ACER3: variants seen among roughly 807,000 people sequenced by gnomAD.
ACER3 encodes alkaline ceramidase 3, also known as alkCDase 3.
A neutral mutation model predicts 48.9 loss-of-function variants in ACER3; 16 were observed. The observed-to-expected ratio is 0.33, with a 90% CI of 0.22 to 0.50. The LOEUF (loss-of-function observed/expected upper bound fraction) is 0.50, where lower values mean the gene tolerates loss of function less well. Among genes scored for constraint, ACER3 ranks in the 20% least tolerant of loss-of-function variants. The pLI, the probability that ACER3 is intolerant of heterozygous loss-of-function variation, is 0.98. For missense variants in ACER3, 227 were observed against 326.0 expected (o/e 0.70, Z 2.34); for synonymous variants, 109 against 107.8 (o/e 1.01, Z -0.07).
At chr11:76,974,427 G>C (rs559793018) in intron 3 of ACER3, among the ~76,000 whole-genome samples, 14 of 152,242 alleles carry the variant, frequency 9.2e-5, no homozygotes, top group Middle Eastern at 6.8e-3. Flanking sequence ...GATATAGTTG[G>C]TTATAGCTTA....
chr11:76,879,433 GCTTGTGCTATTGCA>G (rs1021729576), intron 1 of ACER3, among the ~76,000 whole-genome samples: 3 of 151,908 alleles, frequency 2.0e-5, no homozygotes, highest in Admixed American at 6.6e-5. Context: ...TATTTCTTTT[GCTTGTGCTATTGCA>G]CTGGCTAGGA....
At chr11:76,982,018 T>C (rs1948595092) in intron 4 of ACER3, among the ~76,000 whole-genome samples, 1 of 152,172 alleles carries the variant, frequency 6.6e-6, no homozygotes, top group South Asian at 2.1e-4. Flanking sequence ...GAAACTTCCA[T>C]TTGCTCCATA....
At chr11:76,926,352 T>G (rs1946829708) in intron 1 of ACER3, among the ~76,000 whole-genome samples, 1 of 152,200 alleles carries the variant, frequency 6.6e-6, no homozygotes, top group Admixed American at 6.5e-5. Context: ...TTTAGTTTCA[T>G]TTGTCTGAAA....
At chr11:76,869,649 C>T (rs914979492) in intron 1 of ACER3, among the ~76,000 whole-genome samples, 3 of 141,696 alleles carry the variant, frequency 2.1e-5, no homozygotes, top group African/African-American at 8.0e-5. Flanking sequence ...CCGTTTTCTC[C>T]TCCTTCTAGT....
At chr11:76,900,769 A>G (rs1364346888) in intron 1 of ACER3, among the ~76,000 whole-genome samples, 2 of 152,248 alleles carry the variant, frequency 1.3e-5, no homozygotes, top group African/African-American at 4.8e-5. Flanking sequence ...GCATTGGTTC[A>G]GAAGCACTCA....
chr11:77,002,925 C>T (rs112040383), intron 7 of ACER3, among the ~76,000 whole-genome samples: 67 of 152,124 alleles, frequency 4.4e-4, no homozygotes, highest in African/African-American at 1.6e-3. Context: ...AAATGGTGAT[C>T]AGGGCCTGGT....
chr11:76,971,244 A>G (rs1948290616), intron 3 of ACER3, among the ~76,000 whole-genome samples: 1 of 152,180 alleles, frequency 6.6e-6, no homozygotes, highest in Admixed American at 6.5e-5. Flanking sequence ...ATTTGAGTCT[A>G]TAAAACACAC....
At chr11:76,920,807 T>A (rs1034215789) in intron 1 of ACER3, among the ~76,000 whole-genome samples, 4 of 152,072 alleles carry the variant, frequency 2.6e-5, no homozygotes, top group South Asian at 2.1e-4. Flanking sequence ...TGGCTAATTT[T>A]AAAAAATTTT....
At chr11:76,966,066 C>G (rs1169579249) in intron 3 of ACER3, among the ~76,000 whole-genome samples, 6 of 151,364 alleles carry the variant, frequency 4.0e-5, no homozygotes, top group Non-Finnish European at 8.8e-5. Flanking sequence ...GGAGATCCAT[C>G]TCATGTGCAG....
At chr11:76,960,598 G>A (rs1947963103) in intron 3 of ACER3, among the ~76,000 whole-genome samples, 2 of 152,132 alleles carry the variant, frequency 1.3e-5, no homozygotes, top group Non-Finnish European at 2.9e-5. Context: ...CCACATTGGA[G>A]TGTCAAAACC....
chr11:76,868,389 CTCTGTGTGTGTG>C (rs1191774441), intron 1 of ACER3: 24 of 187,104 alleles, frequency 1.3e-4, no homozygotes, highest in East Asian at 2.4e-4. Context: ...CTCTCTCTCT[CTCTGTGTGTGTG>C]TGTGTGTGTG....
chr11:76,975,224 C>T (rs1231009190), intron 3 of ACER3, among the ~76,000 whole-genome samples: 5 of 152,102 alleles, frequency 3.3e-5, no homozygotes, highest in African/African-American at 7.2e-5. Context: ...AATTAGAATG[C>T]GAACTCCTTG....
Position 76,904,841 on chromosome 11 carries a change from A to ATGTGTGTGTG in ACER3, c.104-21698_104-21689dup, listed in dbSNP as rs3047842. 4.7e-5 allele frequency among the ~76,000 whole-genome samples: 7 copies of ATGTGTGTGTG among 147,512 alleles called. No individual in the cohort carries two copies. The East Asian group carries it at 1.2e-3, about 25-fold the overall frequency. The stretch of plus-strand genomic sequence containing the variant: ...TTTGCTATATGTCTTTTCTCTATGT[A>ATGTGTGTGTG]TGTGTGTGTGTGTGTGTGTGTGTGT... On this transcript the variant is annotated intron_variant, in intron 1 of 10. Transcript: ENST00000532485.
intron 2 of ACER3, among the ~76,000 whole-genome samples, chr11:76,948,116 T>C (rs1008536298): frequency 2.6e-5 from 4 of 152,156 alleles, no homozygotes; most frequent in African/African-American, 9.7e-5. Flanking sequence ...AATAACAAAT[T>C]ATTTTCTAAG....
At chr11:76,865,527 C>A (rs1381279505) in intron 1 of ACER3, among the ~76,000 whole-genome samples, 2 of 147,580 alleles carry the variant, frequency 1.4e-5, no homozygotes, top group African/African-American at 2.5e-5. Flanking sequence ...TTTTTTTTTC[C>A]AGACGGAATC....
chr11:76,919,513 AT>A (rs1555000543), intron 1 of ACER3, among the ~76,000 whole-genome samples: 2 of 152,194 alleles, frequency 1.3e-5, no homozygotes, highest in Non-Finnish European at 2.9e-5. Context: ...GGGTATAAAA[AT>A]ATCATAGTTT....
intron 1 of ACER3, among the ~76,000 whole-genome samples, chr11:76,909,188 A>AT (rs1946307562): frequency 6.6e-6 from 1 of 152,220 alleles, no homozygotes; most frequent in Admixed American, 6.5e-5. Context: ...AACCTAGGCA[A>AT]TACCATTCAG....
intron 1 of ACER3, among the ~76,000 whole-genome samples, chr11:76,925,479 C>A (rs1980205): frequency 0.57 from 87,251 of 152,130 alleles, 28,150 homozygotes; most frequent in Non-Finnish European, 0.74. Context: ...ATTTTTTCCC[C>A]AAAATTTTTT....
At chr11:76,928,128 T>C (rs894019258) in intron 2 of ACER3, among the ~76,000 whole-genome samples, 3 of 152,154 alleles carry the variant, frequency 2.0e-5, no homozygotes, top group East Asian at 1.9e-4. Context: ...ACGTGTTGTT[T>C]CCTGACTTTT....
Sources: allele counts gnomAD v4.1 joint callset (sites outside exome capture counted in the v4.1 genomes callset), GRCh38; gene constraint gnomAD v4.1.1; transcripts MANE v1.5; gene names NCBI Gene and HGNC (gene_info 2026-07-23, HGNC 2026-07-21).